The following PRKDC variants were observed in gnomAD, a reference collection of about 807,000 sequenced individuals.
PRKDC encodes the protein DNA-dependent protein kinase catalytic subunit.
PRKDC carries 82 observed loss-of-function variants against 486.9 expected under a neutral mutation model. The observed-to-expected ratio is 0.17, with a 90% confidence interval of 0.14 to 0.20. PRKDC has a LOEUF of 0.20. PRKDC is among the 10% of genes least tolerant of loss of function. The probability of loss-of-function intolerance (pLI) is 1.00; values close to 1 mark genes in which losing one functional copy is unlikely to be tolerated. For synonymous variants in PRKDC, 1,895 were observed against 1,837.0 expected (o/e 1.03, Z -0.81); for missense variants, 4,504 against 5,038.2 (o/e 0.89, Z 3.21).
At position 47,773,312 on chromosome 8, in the gene PRKDC, CTTG is replaced by C. The variant is rs2086552799; in HGVS notation, c.*858_*860del. On this transcript the variant is annotated 3_prime_UTR_variant, in exon 86 of 86. Coordinates refer to ENST00000314191, the MANE Select transcript of PRKDC (RefSeq NM_006904.7). The stretch of plus-strand genomic sequence containing the variant: ...CCACTTTTGTATTCCATAATTTCAT[CTTG>C]TTGTGCTAGAATGCATGCTTTTTTT... 1.3e-5 allele frequency: 3 copies of C among 225,430 alleles called. No individual in the cohort carries two copies. The highest frequency in any genetic ancestry group is 2.7e-5 in the Non-Finnish European group (3 of 112,176). 14.0% of individuals were successfully genotyped at this position (225,430 alleles called of 1,614,324 possible).
intron 68 of PRKDC, among the ~76,000 whole-genome samples, chr8:47,815,922 T>C (rs758099541): frequency 2.6e-5 from 4 of 152,164 alleles, no homozygotes; most frequent in Non-Finnish European, 5.9e-5. Context: ...AAAATTATTA[T>C]CACCAGGCTG....
rs8178223 is a variant in PRKDC, at chr8:47,799,424, G to C, written c.10117-34C>G. The C allele has an allele frequency of 4.9e-4, 705 of 1,441,382 alleles. 3 individuals are homozygous for C. In the African/African-American group the frequency reaches 9.5e-3, roughly 19 times the overall value. 89.3% of individuals were successfully genotyped at this position (1,441,382 alleles called of 1,614,324 possible). On this transcript the variant is annotated intron_variant, in intron 71 of 85. Transcript: ENST00000314191. The stretch of plus-strand genomic sequence containing the variant: ...CACAGAGACCTAAACCCATGAGCAT[G>C]ACTGAAGCTTTCTCAAAGAACTCTG...
intron 41 of PRKDC, among the ~76,000 whole-genome samples, 178 bp downstream of exon 41, chr8:47,864,378 T>C (rs2088753870): frequency 6.6e-6 from 1 of 152,008 alleles, no homozygotes; most frequent in Non-Finnish European, 1.5e-5. Flanking sequence ...ATATCCAAAT[T>C]TGCGTTAAGT....
At chr8:47,929,743 T>A (rs1044413488) in intron 18 of PRKDC, 110 bp downstream of exon 18, 71 of 1,186,898 alleles carry the variant, frequency 6.0e-5, no homozygotes, top group Non-Finnish European at 7.7e-5. Flanking sequence ...TAGAATAAAA[T>A]TAGTAGACTT....
chr8:47,777,923 A>G, intron 83 of PRKDC, 49 bp from the exon 84 acceptor site: 1 of 1,550,946 alleles, frequency 6.4e-7, no homozygotes. Flanking sequence ...CAGAACTCTC[A>G]AAGTACCGAG....
At chr8:47,802,725 T>G (rs1459752088) in intron 70 of PRKDC, among the ~76,000 whole-genome samples, 1 of 152,018 alleles carries the variant, frequency 6.6e-6, no homozygotes, top group Non-Finnish European at 1.5e-5. Flanking sequence ...TGATCTCAGT[T>G]CACTGCAAGC....
intron 67 of PRKDC, among the ~76,000 whole-genome samples, chr8:47,818,306 C>T (rs928960133): frequency 2.0e-5 from 3 of 151,982 alleles, no homozygotes; most frequent in African/African-American, 7.2e-5. Context: ...ATTGGCCAGG[C>T]ACGGTGGCTC....
intron 64 of PRKDC, among the ~76,000 whole-genome samples, chr8:47,823,358 C>T (rs2087649483): frequency 6.6e-6 from 1 of 151,748 alleles, no homozygotes; most frequent in African/African-American, 2.4e-5. Context: ...CCCCAACTGT[C>T]TCTCTTTTGC....
chr8:47,818,785 T>C (rs894974867), intron 67 of PRKDC, among the ~76,000 whole-genome samples: 1 of 152,308 alleles, frequency 6.6e-6, no homozygotes, highest in South Asian at 2.1e-4. Flanking sequence ...TCTTTTGTAA[T>C]TAATTTTAAT....
chr8:47,939,415 G>A (rs2090403791), intron 11 of PRKDC, 136 bp downstream of exon 11: 3 of 928,964 alleles, frequency 3.2e-6, no homozygotes, highest in Middle Eastern at 3.0e-4. Flanking sequence ...GTGAGCCTGT[G>A]CAGTTCACGC....
chr8:47,783,696 G>A (rs747945800), intron 78 of PRKDC, 46 bp downstream of exon 78: 26 of 1,589,226 alleles, frequency 1.6e-5, no homozygotes, highest in Middle Eastern at 3.3e-4. Flanking sequence ...CTCATCTGAA[G>A]AACGTTCATC....
At chr8:47,940,378 A>C (rs1311288907) in intron 10 of PRKDC, among the ~76,000 whole-genome samples, 2 of 152,222 alleles carry the variant, frequency 1.3e-5, no homozygotes, top group East Asian at 3.8e-4. Context: ...ATTTCAGCAC[A>C]AAGACTGCCC....
chr8:47,873,766 T>A (rs2089017755), intron 40 of PRKDC, among the ~76,000 whole-genome samples: 1 of 151,988 alleles, frequency 6.6e-6, no homozygotes, highest in Non-Finnish European at 1.5e-5. Context: ...AGAAAGACAA[T>A]CTTTGCGCGT....
chr8:47,816,670 G>T (rs576565436), intron 68 of PRKDC, among the ~76,000 whole-genome samples: 19 of 152,138 alleles, frequency 1.2e-4, no homozygotes, highest in African/African-American at 4.6e-4. Context: ...AATATGTAGG[G>T]TCTGGTAGAA....
chr8:47,899,811 T>C (rs2089647563), intron 28 of PRKDC, among the ~76,000 whole-genome samples: 1 of 152,252 alleles, frequency 6.6e-6, no homozygotes, highest in Non-Finnish European at 1.5e-5. Flanking sequence ...TCAACAACTC[T>C]ATGTAGTTCC....
At chr8:47,791,966 G>A (rs1202095607) in intron 74 of PRKDC, among the ~76,000 whole-genome samples, 2 of 152,104 alleles carry the variant, frequency 1.3e-5, no homozygotes, top group African/African-American at 4.8e-5. Flanking sequence ...ACAGACAAAT[G>A]AATGAAGAAA....
At chr8:47,828,065 C>A in intron 62 of PRKDC, 103 bp downstream of exon 62, 1 of 1,110,528 alleles carries the variant, frequency 9.0e-7, no homozygotes, top group Non-Finnish European at 1.3e-6. Context: ...TGTTAAACAC[C>A]AGGTTATCAA....
At chr8:47,795,976 C>A (rs2086978401) in intron 73 of PRKDC, among the ~76,000 whole-genome samples, 1 of 151,446 alleles carries the variant, frequency 6.6e-6, no homozygotes, top group African/African-American at 2.4e-5. Flanking sequence ...CTCACTGCAA[C>A]CTCCGCCTCC....
intron 74 of PRKDC, among the ~76,000 whole-genome samples, chr8:47,792,717 T>C (rs1243729173): frequency 6.6e-6 from 1 of 152,186 alleles, no homozygotes; most frequent in African/African-American, 2.4e-5. Context: ...ATATCCCATG[T>C]ACCCCATAAA....
Sources: allele counts gnomAD v4.1 joint callset (sites outside exome capture counted in the v4.1 genomes callset), GRCh38; gene constraint gnomAD v4.1.1; transcripts MANE v1.5; gene names NCBI Gene and HGNC (gene_info 2026-07-23, HGNC 2026-07-21).